The following NINL variants were observed in gnomAD, a reference collection of about 807,000 sequenced individuals.
The protein encoded by NINL is ninein like.
A neutral mutation model predicts 160.3 loss-of-function variants in NINL; 153 were observed. The observed-to-expected ratio is 0.95, with a 90% CI of 0.84 to 1.09. The LOEUF (loss-of-function observed/expected upper bound fraction) is 1.09. Among genes scored for constraint, NINL ranks in the 50% least tolerant of loss-of-function variants. The pLI is 0.00. For synonymous variants in NINL, 800 were observed against 734.8 expected, an observed-to-expected ratio of 1.09 and a Z score of -1.43; for missense variants, 1,829 against 1,764.0, an observed-to-expected ratio of 1.04 and a Z score of -0.66.
chr20:25,489,235 G>A lies in NINL; in HGVS notation c.1677+9C>T, dbSNP rs756850215. 6.2e-7 allele frequency: 1 copy of A among 1,613,818 alleles called. No individual in the cohort carries two copies. ...ATGAGACTAAAAGGCAGACAGAGCA[G>A]GCACGTACCCGGCACTTGAGCTCGT... is the stretch of plus-strand genomic sequence containing the variant. On this transcript the variant is annotated intron_variant, in intron 13 of 23. Transcript: ENST00000278886.
At chr20:25,512,558 G>A (rs761355218) in intron 4 of NINL, among the ~76,000 whole-genome samples, 7 of 152,114 alleles carry the variant, frequency 4.6e-5, no homozygotes, top group Non-Finnish European at 1.0e-4. Context: ...AGTTTCCTGA[G>A]GCATCCCCAG....
intron 21 of NINL, chr20:25,458,744 CAGAAAACA>C: frequency 7.5e-6 from 4 of 532,438 alleles, no homozygotes; most frequent in Non-Finnish European, 6.5e-6. Flanking sequence ...TGCTAGAGTG[CAGAAAACA>C]TGTCCATCAC....
chr20:25,503,899 C>T (rs2063914036), intron 7 of NINL, 53 bp downstream of exon 7: 1 of 1,604,928 alleles, frequency 6.2e-7, no homozygotes, highest in Admixed American at 1.7e-5. Flanking sequence ...TTTTAGTCAC[C>T]AGAGAGTGAC....
chr20:25,563,398 T>C (rs913990721), intron 1 of NINL, among the ~76,000 whole-genome samples: 14 of 152,318 alleles, frequency 9.2e-5, no homozygotes, highest in Non-Finnish European at 1.9e-4. Flanking sequence ...CAGTAACCAC[T>C]AAAATACCTA....
At chr20:25,543,516 C>T (rs1280218415) in intron 1 of NINL, among the ~76,000 whole-genome samples, 1 of 152,126 alleles carries the variant, frequency 6.6e-6, no homozygotes, top group African/African-American at 2.4e-5. Context: ...TCATGCCCAA[C>T]TAAATTGAAA....
intron 1 of NINL, among the ~76,000 whole-genome samples, chr20:25,532,196 C>T (rs1260701904): frequency 1.3e-5 from 2 of 152,250 alleles, no homozygotes; most frequent in Admixed American, 1.3e-4. Context: ...CTCACAGCAG[C>T]TGGGCCTACC....
intron 2 of NINL, among the ~76,000 whole-genome samples, chr20:25,521,926 A>G (rs1201034494): frequency 6.6e-6 from 1 of 151,630 alleles, no homozygotes; most frequent in Non-Finnish European, 1.5e-5. Context: ...AATTTACTAC[A>G]CTTTTTTTTT....
intron 7 of NINL, among the ~76,000 whole-genome samples, chr20:25,501,281 C>T (rs936655389): frequency 2.6e-5 from 4 of 152,240 alleles, no homozygotes; most frequent in Non-Finnish European, 2.9e-5. Context: ...GTGGCCCAAC[C>T]GGCCAGCCCC....
chr20:25,470,189 C>T (rs2063062104), intron 17 of NINL, 94 bp from the exon 18 acceptor site: 7 of 903,852 alleles, frequency 7.7e-6, no homozygotes, highest in East Asian at 2.4e-5. Context: ...GAGAACTGTG[C>T]GTCCCCATCT....
intron 3 of NINL, among the ~76,000 whole-genome samples, chr20:25,516,443 T>C (rs1245729522): frequency 6.6e-6 from 1 of 152,184 alleles, no homozygotes; most frequent in Non-Finnish European, 1.5e-5. Context: ...GAACAGTTTG[T>C]TGTTTCTTTG....
chr20:25,568,635 T>C (rs1450046218), intron 1 of NINL, among the ~76,000 whole-genome samples: 1 of 151,248 alleles, frequency 6.6e-6, no homozygotes, highest in Non-Finnish European at 1.5e-5. Flanking sequence ...GGTCTCAAAC[T>C]CCTGTGCTCG....
chr20:25,552,589 G>A (rs531550085), intron 1 of NINL, among the ~76,000 whole-genome samples: 32 of 152,150 alleles, frequency 2.1e-4, no homozygotes, highest in Non-Finnish European at 4.1e-4. Context: ...ATGCTTGCTC[G>A]CCCTTCTGTC....
At chr20:25,557,561 C>G (rs1292376881) in intron 1 of NINL, among the ~76,000 whole-genome samples, 2 of 151,624 alleles carry the variant, frequency 1.3e-5, no homozygotes, top group Non-Finnish European at 2.9e-5. Context: ...AAAAAGAGTA[C>G]AGTATTAATT....
intron 2 of NINL, among the ~76,000 whole-genome samples, chr20:25,519,811 G>C (rs1414682378): frequency 6.6e-6 from 1 of 151,830 alleles, no homozygotes; most frequent in Non-Finnish European, 1.5e-5. Context: ...GAGCTCAGGA[G>C]TTGGAAACCA....
At position 25,505,942 on chromosome 20, in the gene NINL, T is replaced by C. The variant is rs2063953588; in HGVS notation, c.518-864A>G. 2.6e-5 allele frequency among the ~76,000 whole-genome samples: 4 copies of C among 152,354 alleles called. No individual in the cohort carries two copies. In the South Asian group the frequency reaches 8.3e-4, roughly 32 times the overall value. ...GGGAAAATTCTTTCTGAAGAGAACC[T>C]TCTATGGTCAGCCATGCAAGCACTT... On this transcript the variant is annotated intron_variant, in intron 5 of 23. Coordinates refer to ENST00000278886, the MANE Select transcript of NINL (RefSeq NM_025176.6).
At chr20:25,529,543 G>T (rs4813570) in intron 1 of NINL, among the ~76,000 whole-genome samples, 15,136 of 152,154 alleles carry the variant, frequency 0.099, 1,284 homozygotes, top group African/African-American at 0.23. Context: ...GGGCGAAGAC[G>T]AGTGAACTGT....
intron 7 of NINL, among the ~76,000 whole-genome samples, chr20:25,502,217 A>C (rs2063883446): frequency 6.6e-6 from 1 of 152,014 alleles, no homozygotes; most frequent in African/African-American, 2.4e-5. Flanking sequence ...CCTGACCTCA[A>C]ATGATCCGCC....
At chr20:25,567,992 A>T (rs955713413) in intron 1 of NINL, among the ~76,000 whole-genome samples, 5 of 152,058 alleles carry the variant, frequency 3.3e-5, no homozygotes, top group Admixed American at 6.6e-5. Context: ...GGCTTGAATC[A>T]ATAATTTCAG....
At chr20:25,464,522 C>A (rs1482455412) in intron 19 of NINL, among the ~76,000 whole-genome samples, 1 of 152,220 alleles carries the variant, frequency 6.6e-6, no homozygotes, top group Non-Finnish European at 1.5e-5. Context: ...GGGAAACCAA[C>A]CTGCCTTCCA....
Sources: allele counts gnomAD v4.1 joint callset (sites outside exome capture counted in the v4.1 genomes callset), GRCh38; gene constraint gnomAD v4.1.1; transcripts MANE v1.5; gene names NCBI Gene and HGNC (gene_info 2026-07-23, HGNC 2026-07-21).